APLP2: variants seen among roughly 807,000 people sequenced by gnomAD.
The protein encoded by APLP2 is amyloid beta precursor like protein 2.
A neutral mutation model predicts 89.9 loss-of-function variants in APLP2; 53 were observed. That is an observed-to-expected ratio of 0.59 (90% CI 0.47 to 0.74). APLP2 has a LOEUF of 0.74. APLP2 is among the 30% of genes least tolerant of loss of function. The pLI, the probability that APLP2 is intolerant of heterozygous loss-of-function variation, is 0.00. For missense variants in APLP2, 973 were observed against 975.9 expected (o/e 1.00, Z 0.04); for synonymous variants, 372 against 348.6 (o/e 1.07, Z -0.75).
chr11:130,112,689 A>G (rs906086835), intron 3 of APLP2, among the ~76,000 whole-genome samples: 2 of 152,258 alleles, frequency 1.3e-5, no homozygotes, highest in African/African-American at 4.8e-5. Context: ...AGCAGCCTCC[A>G]TGCTGTTTCT....
chr11:130,120,964 T>C (rs969859469), intron 4 of APLP2, 146 bp downstream of exon 4: 1 of 654,592 alleles, frequency 1.5e-6, no homozygotes, highest in Non-Finnish European at 2.7e-6. Context: ...GTCTTATAAG[T>C]TAGAAATATT....
At chr11:130,110,507 T>C in intron 2 of APLP2, 31 bp from the exon 3 acceptor site, 1 of 1,609,874 alleles carries the variant, frequency 6.2e-7, no homozygotes, top group Non-Finnish European at 8.5e-7. Flanking sequence ...TGCAGATTGA[T>C]TTATTGTGTG....
intron 13 of APLP2, 60 bp from the exon 14 acceptor site, chr11:130,140,338 G>A: frequency 7.2e-7 from 1 of 1,387,094 alleles, no homozygotes; most frequent in Non-Finnish European, 9.9e-7. Context: ...TGCTGCTTCT[G>A]TGCAATGGGT....
intron 1 of APLP2, among the ~76,000 whole-genome samples, chr11:130,094,387 C>T (rs759691681): frequency 6.6e-6 from 1 of 151,924 alleles, no homozygotes; most frequent in Non-Finnish European, 1.5e-5. Flanking sequence ...TGAGGTTTTA[C>T]GATGTTGGCC....
chr11:130,133,593 A>G (rs752281846), intron 11 of APLP2, 36 bp from the exon 12 acceptor site: 14 of 1,532,798 alleles, frequency 9.1e-6, no homozygotes, highest in Non-Finnish European at 1.3e-5. Flanking sequence ...AGTTGTTTTC[A>G]GTCACAACAC....
intron 12 of APLP2, among the ~76,000 whole-genome samples, chr11:130,134,864 G>A (rs12278451): frequency 0.057 from 8,675 of 152,208 alleles, 840 homozygotes; most frequent in African/African-American, 0.19. Context: ...GCTCGGGGAT[G>A]GTGGTACCAT....
intron 3 of APLP2, among the ~76,000 whole-genome samples, chr11:130,111,215 C>G (rs538282475): frequency 2.0e-5 from 3 of 152,196 alleles, no homozygotes; most frequent in African/African-American, 7.2e-5. Flanking sequence ...CATTCAGAGC[C>G]AATTTGAGTA....
In APLP2 at chr11:130,141,259, T is replaced by G; in HGVS notation, c.1924-239T>G. On this transcript the variant is annotated intron_variant, in intron 14 of 16. Transcript: ENST00000338167. The surrounding 1 kb of genome is among the most constrained non-coding windows in gnomAD (Gnocchi z 4.2). ...GAGATACGTCTCCACAACGGTTACT[T>G]GAAGGAAAATGCATACGGGACCAGC... 1 of 510,608 alleles carries G rather than the reference T, an allele frequency of 2.0e-6. No homozygotes were observed. Among genetic ancestry groups the G allele is most frequent in the Non-Finnish European group, 3.5e-6 (1 of 285,174 alleles). 31.6% of individuals were successfully genotyped at this position (510,608 alleles called of 1,614,324 possible). A position where few individuals can be genotyped will look rare whatever the true frequency, so the allele number is the denominator to read the frequency against.
At chr11:130,078,975 GCTTCTTGTT>G (rs1942630623) in intron 1 of APLP2, among the ~76,000 whole-genome samples, 1 of 152,032 alleles carries the variant, frequency 6.6e-6, no homozygotes, top group African/African-American at 2.4e-5. Context: ...TACCAAAACA[GCTTCTTGTT>G]AGAATTTTGC....
intron 1 of APLP2, among the ~76,000 whole-genome samples, chr11:130,097,289 C>G (rs1432374222): frequency 6.6e-6 from 1 of 152,224 alleles, no homozygotes; most frequent in Non-Finnish European, 1.5e-5. Flanking sequence ...TAAAGTTTCT[C>G]TCTCCCTGCC....
chr11:130,084,314 A>T (rs1303982025), intron 1 of APLP2, among the ~76,000 whole-genome samples: 1 of 152,134 alleles, frequency 6.6e-6, no homozygotes, highest in Non-Finnish European at 1.5e-5. Flanking sequence ...CATTCTGTTA[A>T]TGTGATATGC....
intron 7 of APLP2, among the ~76,000 whole-genome samples, chr11:130,124,868 A>G (rs887730945): frequency 1.4e-4 from 21 of 152,240 alleles, no homozygotes; most frequent in Non-Finnish European, 2.1e-4. Context: ...AAAGATTTAG[A>G]AATAGAAATT....
At chr11:130,091,501 C>A (rs1329361385) in intron 1 of APLP2, among the ~76,000 whole-genome samples, 1 of 140,542 alleles carries the variant, frequency 7.1e-6, no homozygotes, top group African/African-American at 2.7e-5. Context: ...GGGCTGACCC[C>A]CCCACCTCCC....
chr11:130,072,161 C>G (rs191771990), intron 1 of APLP2, among the ~76,000 whole-genome samples: 152 of 152,332 alleles, frequency 1.0e-3, no homozygotes, highest in Admixed American at 3.1e-3. Context: ...GTCACTTCCT[C>G]TCTTAAATCC....
intron 1 of APLP2, among the ~76,000 whole-genome samples, chr11:130,102,734 A>G (rs1947112937): frequency 6.6e-6 from 1 of 152,150 alleles, no homozygotes; most frequent in South Asian, 2.1e-4. Flanking sequence ...ATTTATTTAG[A>G]TTTACATATT....
chr11:130,099,520 G>A (rs533502188), intron 1 of APLP2, among the ~76,000 whole-genome samples: 1 of 152,328 alleles, frequency 6.6e-6, no homozygotes, highest in East Asian at 1.9e-4. Flanking sequence ...GATAGTTGCA[G>A]ATTCATCTTG....
At chr11:130,090,960 C>T (rs1160518411) in intron 1 of APLP2, among the ~76,000 whole-genome samples, 138 of 149,280 alleles carry the variant, frequency 9.2e-4, no homozygotes, top group African/African-American at 3.2e-3. Flanking sequence ...CCCCCACCTC[C>T]CTCCCGGACG....
chr11:130,081,369 G>C (rs1943124444), intron 1 of APLP2, among the ~76,000 whole-genome samples: 1 of 152,086 alleles, frequency 6.6e-6, no homozygotes, highest in Non-Finnish European at 1.5e-5. Flanking sequence ...TATTGCATAG[G>C]GATGTTGCCT....
chr11:130,104,322 G>A (rs1947359540), intron 1 of APLP2, among the ~76,000 whole-genome samples: 2 of 146,172 alleles, frequency 1.4e-5, no homozygotes, highest in East Asian at 2.1e-4. Context: ...GGGTTCAAGC[G>A]ATTCTAGTGT....
Sources: allele counts gnomAD v4.1 joint callset (sites outside exome capture counted in the v4.1 genomes callset), GRCh38; gene constraint gnomAD v4.1.1; non-coding constraint Gnocchi (gnomAD v3.1); transcripts MANE v1.5; gene names NCBI Gene and HGNC (gene_info 2026-07-23, HGNC 2026-07-21).